The following TFPI variants were observed in gnomAD, a reference collection of about 807,000 sequenced individuals.
TFPI encodes the protein tissue factor pathway inhibitor.
A neutral mutation model predicts 34.6 loss-of-function variants in TFPI; 15 were observed. The observed-to-expected ratio is 0.43, with a 90% CI of 0.29 to 0.67. TFPI has a LOEUF of 0.67. Ranked by LOEUF, TFPI falls within the 30% of genes least tolerant of loss-of-function variation. The probability of loss-of-function intolerance (pLI) is 0.15; values close to 1 mark genes in which losing one functional copy is unlikely to be tolerated. For synonymous variants in TFPI, 105 were observed against 120.1 expected (o/e 0.87, Z 0.82); for missense variants, 301 against 364.0 (o/e 0.83, Z 1.41).
intron 6 of TFPI, among the ~76,000 whole-genome samples, chr2:187,480,964 TTAAAAA>T (rs879615154): frequency 7.9e-5 from 12 of 152,034 alleles, no homozygotes; most frequent in Non-Finnish European, 1.6e-4. Flanking sequence ...ATTCCAGTAA[TTAAAAA>T]TAAATAGCAA....
intron 1 of TFPI, among the ~76,000 whole-genome samples, chr2:187,548,260 A>C (rs1002267958): frequency 2.6e-5 from 4 of 152,096 alleles, no homozygotes; most frequent in Admixed American, 1.3e-4. Context: ...TATCCATAGA[A>C]TATCTTAATT....
intron 2 of TFPI, among the ~76,000 whole-genome samples, chr2:187,501,384 G>C (rs1017027068): frequency 6.9e-6 from 1 of 145,446 alleles, no homozygotes; most frequent in African/African-American, 2.5e-5. Context: ...TTGACTGTAA[G>C]AATACTCATC....
intron 1 of TFPI, among the ~76,000 whole-genome samples, chr2:187,522,196 C>T (rs969933574): frequency 2.0e-5 from 3 of 152,090 alleles, no homozygotes; most frequent in African/African-American, 4.8e-5. Context: ...TCTTTTGCCA[C>T]GCAGAGCTTT....
rs1691614340 is a variant in TFPI, at chr2:187,464,275, A to T, written c.*2661T>A. Reference sequence around the variant, plus strand: ...TATTTTACTTCTTATAATGTAAAAAATATAATCGTTTGAGTGGTTTTCAGC... The same window carrying T: ...TATTTTACTTCTTATAATGTAAAAATTATAATCGTTTGAGTGGTTTTCAGC... On this transcript the variant is annotated 3_prime_UTR_variant, in exon 8 of 8. Coordinates refer to ENST00000233156, the MANE Select transcript of TFPI (RefSeq NM_006287.6). The T allele has an allele frequency of 1.3e-5, 2 of 152,300 alleles. No homozygotes were observed. Among genetic ancestry groups the T allele is most frequent in the Admixed American group, 1.3e-4 (2 of 15,290 alleles). 9.4% of individuals were successfully genotyped at this position (152,300 alleles called of 1,614,324 possible).
At chr2:187,495,924 A>AT (rs8176454) in intron 3 of TFPI, among the ~76,000 whole-genome samples, 5,344 of 152,174 alleles carry the variant, frequency 0.035, 281 homozygotes, top group African/African-American at 0.11. Context: ...ATTTGGAAGA[A>AT]TAGCCTGACA....
chr2:187,467,468 AAC>A (rs1259131000), intron 7 of TFPI, among the ~76,000 whole-genome samples: 1 of 152,122 alleles, frequency 6.6e-6, no homozygotes, highest in Non-Finnish European at 1.5e-5. Context: ...GAAAGCTTAA[AAC>A]AATTTTGGTA....
intron 1 of TFPI, among the ~76,000 whole-genome samples, chr2:187,509,832 G>C (rs2106152761): frequency 6.6e-6 from 1 of 152,262 alleles, no homozygotes; most frequent in Non-Finnish European, 1.5e-5. Context: ...GATATAAAAA[G>C]AGTTCCTCTT....
intron 6 of TFPI, among the ~76,000 whole-genome samples, chr2:187,470,454 C>T (rs890300492): frequency 6.6e-6 from 1 of 152,110 alleles, no homozygotes; most frequent in African/African-American, 2.4e-5. Context: ...GGGCTACAGT[C>T]CCTAGATTGG....
rs1574427615 is a variant in TFPI at position 187,497,083 on chromosome 2, A to C, written c.122-5T>G. On this transcript the variant is annotated splice_region_variant and splice_polypyrimidine_tract_variant and intron_variant, in intron 2 of 7. Coordinates refer to ENST00000233156, the MANE Select transcript of TFPI (RefSeq NM_006287.6). ...TCAGTGGTGGCAACTCCGTATCTATAAAGTAAAAATAAAAGATATAACATG... is the reference window on the plus strand; with the variant it reads ...TCAGTGGTGGCAACTCCGTATCTATCAAGTAAAAATAAAAGATATAACATG... 11 of 1,608,722 alleles carry C rather than the reference A, an allele frequency of 6.8e-6. No individual in the cohort carries two copies. The East Asian group carries it at 2.5e-4, about 36-fold the overall frequency.
chr2:187,514,509 C>G (rs1686860642), intron 1 of TFPI: 2 of 152,236 alleles, frequency 1.3e-5, no homozygotes, highest in Admixed American at 6.5e-5. Flanking sequence ...CTTCGTGTCT[C>G]TCATGACAGG....
chr2:187,536,949 A>G (rs1688293559), intron 1 of TFPI, among the ~76,000 whole-genome samples: 1 of 103,612 alleles, frequency 9.7e-6, no homozygotes. Context: ...TAACAGACAA[A>G]CAGACAGCCA....
At chr2:187,470,440 T>C (rs1390076891) in intron 6 of TFPI, among the ~76,000 whole-genome samples, 1 of 152,136 alleles carries the variant, frequency 6.6e-6, no homozygotes, top group African/African-American at 2.4e-5. Flanking sequence ...GGCTAGTACA[T>C]ATGGGGCTAC....
intron 1 of TFPI, among the ~76,000 whole-genome samples, chr2:187,532,423 T>C (rs1158742593): frequency 6.6e-6 from 1 of 152,178 alleles, no homozygotes; most frequent in East Asian, 1.9e-4. Context: ...GTGTAGCCCA[T>C]GGAGGGCAAG....
At chr2:187,533,793 C>G (rs1221020177) in intron 1 of TFPI, among the ~76,000 whole-genome samples, 1 of 152,086 alleles carries the variant, frequency 6.6e-6, no homozygotes, top group Non-Finnish European at 1.5e-5. Flanking sequence ...TGTTCTAACC[C>G]AATGCAAGGA....
chr2:187,509,418 T>C (rs914148528), intron 1 of TFPI, among the ~76,000 whole-genome samples: 1 of 152,188 alleles, frequency 6.6e-6, no homozygotes, highest in Admixed American at 6.5e-5. Context: ...GCTGTGAATC[T>C]GTCTGATCCT....
At chr2:187,479,986 A>G (rs1692720348) in intron 6 of TFPI, among the ~76,000 whole-genome samples, 1 of 152,066 alleles carries the variant, frequency 6.6e-6, no homozygotes, top group Admixed American at 6.6e-5. Flanking sequence ...GAAAAGATAA[A>G]GAACAATTAT....
intron 4 of TFPI, among the ~76,000 whole-genome samples, chr2:187,486,547 T>C (rs1371283425): frequency 1.3e-5 from 2 of 151,576 alleles, no homozygotes; most frequent in African/African-American, 2.4e-5. Context: ...CAACTGAAAG[T>C]TGTTATTTTT....
chr2:187,479,829 G>A (rs1692707919), intron 6 of TFPI, among the ~76,000 whole-genome samples: 1 of 151,460 alleles, frequency 6.6e-6, no homozygotes, highest in Non-Finnish European at 1.5e-5. Context: ...ATGGAAGAGA[G>A]AGAAATAAAC....
At chr2:187,527,800 C>T (rs891468800) in intron 1 of TFPI, among the ~76,000 whole-genome samples, 4 of 152,036 alleles carry the variant, frequency 2.6e-5, no homozygotes, top group East Asian at 3.9e-4. Flanking sequence ...TGTTAGACTA[C>T]ATATTGACAA....
Sources: allele counts gnomAD v4.1 joint callset (sites outside exome capture counted in the v4.1 genomes callset), GRCh38; gene constraint gnomAD v4.1.1; transcripts MANE v1.5; gene names NCBI Gene and HGNC (gene_info 2026-07-23, HGNC 2026-07-21).